C8orf58: variants seen among roughly 807,000 people sequenced by gnomAD.
C8orf58 encodes the protein uncharacterized protein C8orf58.
Under a neutral mutation model 36.8 loss-of-function variants are expected in C8orf58, and 31 were observed. The observed-to-expected ratio is 0.84, with a 90% CI of 0.63 to 1.14. The LOEUF is 1.14. C8orf58 is among the 50% of genes most tolerant of loss of function. C8orf58 has a pLI of 0.00. For missense variants in C8orf58, 538 were observed against 480.8 expected, an observed-to-expected ratio of 1.12 and a Z score of -1.11; for synonymous variants, 230 against 200.2, an observed-to-expected ratio of 1.15 and a Z score of -1.26.
Position 22,602,024 on chromosome 8 carries a change from C to A in C8orf58, c.710C>A (p.Thr237Asn). 1 of 1,581,126 alleles carries A rather than the reference C, an allele frequency of 6.3e-7. No individual in the cohort carries two copies. The highest frequency in any genetic ancestry group is 2.3e-5 in the East Asian group (1 of 43,886). Reference protein sequence around the residue: ...TRAPLPSPLHTPGNRGQGPWE... With the variant: ...TRAPLPSPLHNPGNRGQGPWE... ...GCCCCTTTACCGTCCCCGTTACACA[C>A]CCCAGGCAATCGGGGGCAGGGGCCA... Residue 237 changes from threonine (T) to asparagine (N), a missense_variant, in exon 4 of 7, where the codon ACC (threonine) becomes AAC (asparagine). Physicochemically the swap from Thr to Asn is moderately conservative, Grantham distance 65 (BLOSUM62 0). Transcript: ENST00000289989.
At chr8:22,602,684 G>T in intron 6 of C8orf58, 41 bp downstream of exon 6, 1 of 1,286,214 alleles carries the variant, frequency 7.8e-7, no homozygotes, top group South Asian at 1.4e-5. Flanking sequence ...ACGGAGAGGA[G>T]ACTGATAAGC....
Position 22,603,522 on chromosome 8 carries a change from C to T in C8orf58, c.*216C>T, listed in dbSNP as rs1010485481. 223 of 595,350 alleles carry T rather than the reference C, an allele frequency of 3.7e-4. No individual in the cohort carries two copies. The highest frequency in any genetic ancestry group is 7.0e-5 in the Non-Finnish European group (23 of 330,684). 36.9% of individuals were successfully genotyped at this position (595,350 alleles called of 1,614,324 possible). On this transcript the variant is annotated 3_prime_UTR_variant, in exon 7 of 7. Coordinates refer to ENST00000289989, the MANE Select transcript of C8orf58 (RefSeq NM_001013842.3). ...CCCAAGATGCCGCAGCTCCAGGGCT[C>T]TTCCTCCTCACCAGAAATCCCTGGG... is the stretch of plus-strand genomic sequence containing the variant.
Position 22,602,234 on chromosome 8 carries a change from G to T in C8orf58, c.801G>T (p.Val267=). 1 of 1,606,972 alleles carries T rather than the reference G, an allele frequency of 6.2e-7. No individual in the cohort carries two copies. Among genetic ancestry groups the T allele is most frequent in the Non-Finnish European group, 8.5e-7 (1 of 1,177,704 alleles). The change falls in exon 5 of 7, where the codon GTG becomes GTT. Residue 267 remains valine, a synonymous_variant. Coordinates refer to ENST00000289989, the MANE Select transcript of C8orf58 (RefSeq NM_001013842.3). Reference sequence around the variant, plus strand: ...CTGCTTCACCCCCAAAGGTGGAGGTGCCCAGTGCCAACCCTCCCAGGCTGC... The same window carrying T: ...CTGCTTCACCCCCAAAGGTGGAGGTTCCCAGTGCCAACCCTCCCAGGCTGC... The part of the protein sequence containing the change: ...AKAASPPKVE[V]PSANPPRLPE...
chr8:22,601,812 A>G lies in C8orf58; in HGVS notation c.617A>G (p.Gln206Arg). 1 of 1,612,216 alleles carries G rather than the reference A, an allele frequency of 6.2e-7. No homozygotes were observed. The highest frequency in any genetic ancestry group is 8.5e-7 in the Non-Finnish European group (1 of 1,179,640). ...GTGCTGGAGCAGATGGCAAGGCTCC[A>G]GCAGCTCTACCTGCAGCTGCGGATC... Reference protein sequence around the residue: ...CLVLEQMARLQQLYLQLRIQR... With the variant: ...CLVLEQMARLRQLYLQLRIQR... The change falls in exon 3 of 7, where the codon CAG (glutamine) becomes CGG (arginine). Residue 206 changes from glutamine to arginine, a missense_variant. Gln to Arg is a conservative substitution (Grantham distance 43). Coordinates refer to ENST00000289989, the MANE Select transcript of C8orf58 (RefSeq NM_001013842.3).
At position 22,603,845 on chromosome 8, in the gene C8orf58, C is replaced by T. The variant is rs566595161; in HGVS notation, c.*539C>T. On this transcript the variant is annotated 3_prime_UTR_variant, in exon 7 of 7. Coordinates refer to ENST00000289989, the MANE Select transcript of C8orf58 (RefSeq NM_001013842.3). ...ATGCTGGCAGCCCTGGGACAGAGAA[C>T]GGTGTGGCTTTGGCTGCCTCTGCAT... 2.1e-4 allele frequency: 43 copies of T among 203,690 alleles called. No individual in the cohort carries two copies. The highest frequency in any genetic ancestry group is 8.6e-4 in the African/African-American group (37 of 43,014). The allele number at this position is 203,690 out of a possible 1,614,324, so 12.6% of individuals were successfully genotyped here. A position where few individuals can be genotyped will look rare whatever the true frequency, so the allele number is the denominator to read the frequency against.
intron 2 of C8orf58, 114 bp downstream of exon 2, chr8:22,601,471 T>C: frequency 1.0e-6 from 1 of 983,798 alleles, no homozygotes. Flanking sequence ...TGATGGGTTG[T>C]GTCATAGGTT....
At chr8:22,599,831 C>A in intron 1 of C8orf58, 71 bp downstream of exon 1, 1 of 704,276 alleles carries the variant, frequency 1.4e-6, no homozygotes, top group Non-Finnish European at 2.0e-6. Context: ...CCAAGCCGGG[C>A]ACCCTCTCTC....
Position 22,602,190 on chromosome 8 carries a change from C to T in C8orf58, c.767-10C>T. On this transcript the variant is annotated splice_polypyrimidine_tract_variant and intron_variant, in intron 4 of 6. Coordinates refer to ENST00000289989, the MANE Select transcript of C8orf58 (RefSeq NM_001013842.3). ...TTCTGGCCCTGGCCAACCTGACTGT[C>T]TTTCTGAAGGAGCAAAGGCTGCTTC... The T allele has an allele frequency of 6.3e-7, 1 of 1,587,604 alleles. No individual in the cohort carries two copies. The highest frequency in any genetic ancestry group is 8.6e-7 in the Non-Finnish European group (1 of 1,167,628).
At chr8:22,602,827 G>A (rs1287114013) in intron 6 of C8orf58, 184 bp downstream of exon 6, 2 of 585,560 alleles carry the variant, frequency 3.4e-6, no homozygotes, top group Non-Finnish European at 6.0e-6. Context: ...GGTTCTGGGT[G>A]GGGTTGGGGG....
Position 22,601,817 on chromosome 8 carries a change from C to T in C8orf58, c.622C>T (p.Leu208Phe). Residue 208 changes from leucine to phenylalanine, a missense_variant, in exon 3 of 7, where the codon CTC (leucine) becomes TTC (phenylalanine). Physicochemically the swap from Leu to Phe is conservative, Grantham distance 22 (BLOSUM62 0). Transcript: ENST00000289989. ...GGAGCAGATGGCAAGGCTCCAGCAG[C>T]TCTACCTGCAGCTGCGGATCCAGAG... is the stretch of plus-strand genomic sequence containing the variant. Reference protein sequence around the residue: ...VLEQMARLQQLYLQLRIQRPP... With the variant: ...VLEQMARLQQFYLQLRIQRPP... The T allele has an allele frequency of 1.9e-6, 3 of 1,611,886 alleles. No individual in the cohort carries two copies. Among genetic ancestry groups the T allele is most frequent in the Non-Finnish European group, 2.5e-6 (3 of 1,179,440 alleles).
At position 22,601,365 on chromosome 8, in the gene C8orf58, C is replaced by A; in HGVS notation, c.516+8C>A. On this transcript the variant is annotated splice_region_variant and intron_variant, in intron 2 of 6. Transcript: ENST00000289989. Reference sequence around the variant, plus strand: ...GGCCTGGAAGAAGAGGCGGTGAGTGCTCACTCTCAGGCTGGGTTTAAGAGT... The same window carrying A: ...GGCCTGGAAGAAGAGGCGGTGAGTGATCACTCTCAGGCTGGGTTTAAGAGT... 6.5e-7 allele frequency: 1 copy of A among 1,549,164 alleles called. No individual in the cohort carries two copies. Among genetic ancestry groups the A allele is most frequent in the Non-Finnish European group, 8.8e-7 (1 of 1,140,906 alleles).
At chr8:22,600,230 A>C (rs1800809122) in intron 1 of C8orf58, 1 of 161,132 alleles carries the variant, frequency 6.2e-6, no homozygotes, top group Admixed American at 6.4e-5. Context: ...CCGTCGCCAG[A>C]GGGCCTGGCG....
chr8:22,603,398 C>A lies in C8orf58; in HGVS notation c.*92C>A. Reference sequence around the variant, plus strand: ...CCCTCTTGCTGCTTCTCCACATTGCCAGGAAAAGCTGCTGACGCCTGCCCT... The same window carrying A: ...CCCTCTTGCTGCTTCTCCACATTGCAAGGAAAAGCTGCTGACGCCTGCCCT... On this transcript the variant is annotated 3_prime_UTR_variant, in exon 7 of 7. Transcript: ENST00000289989. The A allele has an allele frequency of 2.2e-6, 2 of 919,842 alleles. No homozygotes were observed. The highest frequency in any genetic ancestry group is 3.6e-6 in the Non-Finnish European group (2 of 557,848). The allele number at this position is 919,842 out of a possible 1,614,324, so 57.0% of individuals were successfully genotyped here.
intron 5 of C8orf58, 53 bp from the exon 6 acceptor site, chr8:22,602,484 T>C: frequency 6.7e-7 from 1 of 1,492,294 alleles, no homozygotes; most frequent in Non-Finnish European, 9.3e-7. Flanking sequence ...GGGAGCTTGG[T>C]CGGGGGTCTG....
At chr8:22,603,088 C>A (rs1800918493) in intron 6 of C8orf58, 107 bp from the exon 7 acceptor site, 3 of 824,180 alleles carry the variant, frequency 3.6e-6, no homozygotes, top group Non-Finnish European at 6.1e-6. Context: ...CCGGGCTGCG[C>A]CCACACCCAG....
rs538510335 is a variant in C8orf58 at position 22,603,004 on chromosome 8, T to C, written c.987-191T>C. The C allele has an allele frequency of 2.6e-5, 16 of 605,764 alleles. No homozygotes were observed. The South Asian group carries it at 3.2e-4, about 12-fold the overall frequency. The allele number at this position is 605,764 out of a possible 1,614,324, so 37.5% of individuals were successfully genotyped here. On this transcript the variant is annotated intron_variant, in intron 6 of 6. Coordinates refer to ENST00000289989, the MANE Select transcript of C8orf58 (RefSeq NM_001013842.3). ...GGAGCACAAAGGATTTCACAGTGGGTGAAGGCCATCATGCTTCGGGGCTTG... is the reference window on the plus strand; with the variant it reads ...GGAGCACAAAGGATTTCACAGTGGGCGAAGGCCATCATGCTTCGGGGCTTG...
At chr8:22,601,888 A>G in intron 3 of C8orf58, 36 bp downstream of exon 3, 2 of 1,572,580 alleles carry the variant, frequency 1.3e-6, no homozygotes, top group South Asian at 2.3e-5. Context: ...GAGAGGACAG[A>G]TGGGACCCTG....
Position 22,601,182 on chromosome 8 carries a change from T to C in C8orf58, c.341T>C (p.Leu114Pro). 6.2e-7 allele frequency: 1 copy of C among 1,609,744 alleles called. No homozygotes were observed. The highest frequency in any genetic ancestry group is 1.1e-5 in the South Asian group (1 of 90,852). Residue 114 changes from leucine (L) to proline (P), a missense_variant, in exon 2 of 7, where the codon CTG becomes CCG. By Grantham distance (98) the Leu-to-Pro change is moderately conservative. Coordinates refer to ENST00000289989, the MANE Select transcript of C8orf58 (RefSeq NM_001013842.3). Reference protein sequence around the residue: ...QVGRLLASQKLGEVLERSRRL... With the variant: ...QVGRLLASQKPGEVLERSRRL... ...GGCCGACTCCTGGCCAGCCAGAAGC[T>C]GGGGGAGGTGTTGGAGCGGTCCCGC...
chr8:22,602,733 C>G (rs1026058574), intron 6 of C8orf58, 90 bp downstream of exon 6: 9 of 872,890 alleles, frequency 1.0e-5, no homozygotes, highest in Non-Finnish European at 1.4e-5. Context: ...TCATTATTGT[C>G]CCCGCAAAAC....
Sources: gnomAD v4.1 joint callset for allele counts on GRCh38, gnomAD v4.1.1 for gene constraint, MANE v1.5 for transcripts, NCBI Gene and HGNC (gene_info 2026-07-23, HGNC 2026-07-21) for gene names.